CYP2B6: variants seen among roughly 807,000 people sequenced by gnomAD.
CYP2B6 encodes the protein cytochrome P450 2B6.
Under a neutral mutation model 43.4 loss-of-function variants are expected in CYP2B6, and 35 were observed. The ratio of observed to expected loss-of-function variants is 0.81; its 90% confidence interval spans 0.62 to 1.07. The LOEUF is 1.07. Ranked by LOEUF, CYP2B6 falls within the 50% of genes least tolerant of loss-of-function variation. The pLI is 0.00. For synonymous variants in CYP2B6, 239 were observed against 239.2 expected (o/e 1.00, Z 0.01); for missense variants, 624 against 632.8 (o/e 0.99, Z 0.15).
chr19:41,003,547 T>C (rs1969128773), intron 1 of CYP2B6, among the ~76,000 whole-genome samples: 1 of 152,170 alleles, frequency 6.6e-6, no homozygotes, highest in East Asian at 1.9e-4. Context: ...AAGTATGCGG[T>C]GGGGGTGATA....
intron 1 of CYP2B6, among the ~76,000 whole-genome samples, chr19:40,993,070 G>T (rs115734479): frequency 1.3e-5 from 2 of 152,122 alleles, no homozygotes; most frequent in African/African-American, 4.8e-5. Flanking sequence ...TAGTTCAATA[G>T]TATTAGAGTC....
At chr19:40,994,016 T>C (rs1860590465) in intron 1 of CYP2B6, among the ~76,000 whole-genome samples, 1 of 152,084 alleles carries the variant, frequency 6.6e-6, no homozygotes, top group Admixed American at 6.6e-5. Context: ...GCTGCAAAAT[T>C]CAAGATGTCC....
At chr19:41,004,474 A>C (rs1264830279) in intron 3 of CYP2B6, 28 bp downstream of exon 3, 4 of 1,611,372 alleles carry the variant, frequency 2.5e-6, no homozygotes, top group Non-Finnish European at 3.4e-6. Context: ...AATAGGAAAG[A>C]AAGACAATGA....
rs999446322 is a variant in CYP2B6, at chr19:41,018,193, A to G, written c.*1366A>G. 1 of 152,178 alleles carries G rather than the reference A, an allele frequency of 6.6e-6. No homozygotes were observed. The highest frequency in any genetic ancestry group is 1.5e-5 in the Non-Finnish European group (1 of 68,036). 9.4% of individuals were successfully genotyped at this position (152,178 alleles called of 1,614,324 possible). ...TATTTTTGAGGTTCATGCCTGTTGT[A>G]GACCACAGTCACACACTGCTGTAGT... On this transcript the variant is annotated 3_prime_UTR_variant, in exon 9 of 9. Coordinates refer to ENST00000324071, the MANE Select transcript of CYP2B6 (RefSeq NM_000767.5).
intron 3 of CYP2B6, among the ~76,000 whole-genome samples, chr19:41,004,812 G>C (rs1445862423): frequency 2.6e-5 from 4 of 151,926 alleles, no homozygotes; most frequent in Admixed American, 1.3e-4. Context: ...AACATAATGA[G>C]ATCCTGTCTC....
At chr19:41,002,681 T>G (rs1311643663) in intron 1 of CYP2B6, among the ~76,000 whole-genome samples, 1 of 152,096 alleles carries the variant, frequency 6.6e-6, no homozygotes, top group African/African-American at 2.4e-5. Flanking sequence ...CCCGAGTAGC[T>G]GGGACTACAG....
chr19:41,012,516 T>C (rs1300405214), intron 7 of CYP2B6, 31 bp downstream of exon 7: 2 of 1,613,118 alleles, frequency 1.2e-6, no homozygotes, highest in Non-Finnish European at 1.7e-6. Flanking sequence ...ATAGCCCTCC[T>C]GTTTGGGCAT....
chr19:41,009,186 T>C, intron 4 of CYP2B6, 33 bp from the exon 5 acceptor site: 2 of 1,593,304 alleles, frequency 1.3e-6, no homozygotes, highest in East Asian at 4.5e-5. Context: ...AGCTCAGCCC[T>C]AGGCAAACCT....
intron 6 of CYP2B6, among the ~76,000 whole-genome samples, chr19:41,012,069 C>T (rs981812094): frequency 1.3e-5 from 2 of 152,146 alleles, no homozygotes; most frequent in African/African-American, 4.8e-5. Context: ...CTGCCTCAGC[C>T]TCCTGAGTAG....
intron 1 of CYP2B6, among the ~76,000 whole-genome samples, chr19:41,002,027 G>A (rs1247134173): frequency 6.6e-6 from 1 of 152,058 alleles, no homozygotes; most frequent in Non-Finnish European, 1.5e-5. Flanking sequence ...CCTGAAACAG[G>A]AAAAATGTCA....
chr19:41,012,551 T>A, intron 7 of CYP2B6, 66 bp downstream of exon 7: 1 of 1,611,072 alleles, frequency 6.2e-7, no homozygotes, highest in Non-Finnish European at 8.5e-7. Context: ...ATCCCCGAAC[T>A]CAACCTTTTG....
Position 41,017,786 on chromosome 19 carries a change from A to G in CYP2B6, c.*959A>G, listed in dbSNP as rs533970043. The G allele has an allele frequency of 1.4e-4, 21 of 152,184 alleles. No individual in the cohort carries two copies. The highest frequency in any genetic ancestry group is 3.6e-4 in the African/African-American group (15 of 41,518). The allele number at this position is 152,184 out of a possible 1,614,324, so 9.4% of individuals were successfully genotyped here. On this transcript the variant is annotated 3_prime_UTR_variant, in exon 9 of 9. Transcript: ENST00000324071. ...CTCTTTTTCATCTCGGCCCCTGTCA[A>G]TCTGGTTTTTGTCACTATGGACTTA...
rs550944057 is a variant in CYP2B6, at chr19:40,993,572, A to T, written c.171+2096A>T. On this transcript the variant is annotated intron_variant, in intron 1 of 8. Transcript: ENST00000324071. Reference sequence around the variant, plus strand: ...ATGGGGGAAACCGCCCCCAGGATCCAGTTACCTCCTACTAGGTCCTTCCCT... The same window carrying T: ...ATGGGGGAAACCGCCCCCAGGATCCTGTTACCTCCTACTAGGTCCTTCCCT... 1.0e-3 allele frequency among the ~76,000 whole-genome samples: 157 copies of T among 152,264 alleles called. 1 individual carries two copies. Among genetic ancestry groups the T allele is most frequent in the Non-Finnish European group, 1.8e-4 (12 of 68,026 alleles).
At chr19:41,006,156 T>C (rs1311940121) in intron 3 of CYP2B6, among the ~76,000 whole-genome samples, 1 of 152,018 alleles carries the variant, frequency 6.6e-6, no homozygotes, top group Non-Finnish European at 1.5e-5. Flanking sequence ...GATGGTTTTT[T>C]ATTTGTTTTA....
chr19:41,005,820 G>C (rs1047115614), intron 3 of CYP2B6, among the ~76,000 whole-genome samples: 8 of 151,850 alleles, frequency 5.3e-5, no homozygotes, highest in Non-Finnish European at 1.2e-4. Context: ...AGAACGGCAG[G>C]GGGGAGACAA....
chr19:41,014,820 GAGA>G (rs1229541105), intron 8 of CYP2B6, among the ~76,000 whole-genome samples: 23 of 151,744 alleles, frequency 1.5e-4, no homozygotes, highest in African/African-American at 5.6e-4. Flanking sequence ...GTCACGTAAG[GAGA>G]AGGAGGAGGA....
chr19:41,014,008 A>T (rs947077852), intron 8 of CYP2B6, among the ~76,000 whole-genome samples: 17 of 152,208 alleles, frequency 1.1e-4, no homozygotes, highest in African/African-American at 3.9e-4. Context: ...TACTTGTTAC[A>T]AGAATATACT....
intron 1 of CYP2B6, among the ~76,000 whole-genome samples, chr19:41,001,519 C>T (rs1473065998): frequency 6.6e-6 from 1 of 152,062 alleles, no homozygotes; most frequent in African/African-American, 2.4e-5. Flanking sequence ...TCAGATTCAA[C>T]CCGTATGCAT....
chr19:41,004,401 C>G lies in CYP2B6; in HGVS notation c.439C>G (p.Gln147Glu). ...AAAGCGGAGTGTGGAGGAGCGGATT[C>G]AGGAGGAGGCTCAGTGTCTGATAGA... ...MGKRSVEERI[Q>E]EEAQCLIEEL... Residue 147 changes from glutamine (Q) to glutamate (E), a missense_variant, in exon 3 of 9, where the codon CAG becomes GAG. Gln to Glu is a conservative substitution (Grantham distance 29). Coordinates refer to ENST00000324071, the MANE Select transcript of CYP2B6 (RefSeq NM_000767.5). 1 of 1,613,876 alleles carries G rather than the reference C, an allele frequency of 6.2e-7. No homozygotes were observed. Among genetic ancestry groups the G allele is most frequent in the South Asian group, 1.1e-5 (1 of 91,034 alleles).
Sources: gnomAD v4.1 joint callset for allele counts (sites outside exome capture counted in the v4.1 genomes callset) on GRCh38, gnomAD v4.1.1 for gene constraint, MANE v1.5 for transcripts, NCBI Gene and HGNC (gene_info 2026-07-23, HGNC 2026-07-21) for gene names.